The following NAV3 variants were observed in gnomAD, a reference collection of about 807,000 sequenced individuals.
The protein encoded by NAV3 is neuron navigator 3, also known as pore membrane and/or filament interacting like protein 1.
A neutral mutation model predicts 244.7 loss-of-function variants in NAV3; 87 were observed. The observed-to-expected ratio is 0.36, with a 90% CI of 0.30 to 0.42. The LOEUF is 0.42. NAV3 is among the 20% of genes least tolerant of loss of function. NAV3 has a pLI of 1.00. For missense variants in NAV3, 2,663 were observed against 2,893.3 expected (o/e 0.92, Z 1.83); for synonymous variants, 1,126 against 1,042.2 (o/e 1.08, Z -1.55).
chr12:77,602,436 T>C (rs1378174780), intron 2 of NAV3, among the ~76,000 whole-genome samples: 1 of 151,992 alleles, frequency 6.6e-6, no homozygotes, highest in Non-Finnish European at 1.5e-5. Context: ...TTGATAGCTA[T>C]GTCCAATAGG....
chr12:77,978,345 T>G (rs533337084), intron 5 of NAV3, among the ~76,000 whole-genome samples: 39 of 152,240 alleles, frequency 2.6e-4, no homozygotes, highest in African/African-American at 8.4e-4. Context: ...ATTTAAAATT[T>G]TATAACAGGA....
At chr12:77,646,366 G>C (rs1872604652) in intron 2 of NAV3, among the ~76,000 whole-genome samples, 1 of 152,156 alleles carries the variant, frequency 6.6e-6, no homozygotes, top group South Asian at 2.1e-4. Context: ...TTCCTGCTGT[G>C]AGACAGAGGC....
intron 2 of NAV3, among the ~76,000 whole-genome samples, chr12:77,810,049 A>G (rs1359700634): frequency 6.6e-6 from 1 of 152,230 alleles, no homozygotes; most frequent in East Asian, 1.9e-4. Context: ...TATTCAAACT[A>G]TTCTTTTGTT....
intron 20 of NAV3, among the ~76,000 whole-genome samples, chr12:78,141,328 A>G (rs1206266741): frequency 1.3e-5 from 2 of 152,206 alleles, no homozygotes; most frequent in Non-Finnish European, 2.9e-5. Context: ...AAAGTAGCCT[A>G]CAGGAAGTTA....
chr12:77,660,573 C>A (rs2137034955), intron 2 of NAV3, among the ~76,000 whole-genome samples: 2 of 152,028 alleles, frequency 1.3e-5, no homozygotes, highest in Middle Eastern at 6.8e-3. Flanking sequence ...TATTAGTTTA[C>A]AAGTTAATAA....
At chr12:77,924,136 A>T (rs1887968721) in intron 1 of NAV3, among the ~76,000 whole-genome samples, 1 of 152,126 alleles carries the variant, frequency 6.6e-6, no homozygotes, top group South Asian at 2.1e-4. Context: ...TTGGGTATGG[A>T]GTTGAGATGC....
At chr12:77,652,066 T>C (rs1217633164) in intron 2 of NAV3, among the ~76,000 whole-genome samples, 4 of 152,178 alleles carry the variant, frequency 2.6e-5, no homozygotes, top group Non-Finnish European at 5.9e-5. Flanking sequence ...CTTTTTGGGA[T>C]TTAACATCAC....
chr12:78,081,442 A>G (rs1351017013), intron 12 of NAV3, among the ~76,000 whole-genome samples: 1 of 152,156 alleles, frequency 6.6e-6, no homozygotes, highest in Non-Finnish European at 1.5e-5. Flanking sequence ...AACCCTTTAT[A>G]GCACGTGAAT....
intron 2 of NAV3, among the ~76,000 whole-genome samples, chr12:77,738,964 A>C (rs537117073): frequency 2.2e-5 from 3 of 133,388 alleles, no homozygotes; most frequent in African/African-American, 8.3e-5. Flanking sequence ...GTGAGCCGAG[A>C]TCGCGCTACT....
At chr12:77,807,119 G>A (rs1300767783) in intron 2 of NAV3, among the ~76,000 whole-genome samples, 1 of 152,094 alleles carries the variant, frequency 6.6e-6, no homozygotes, top group Non-Finnish European at 1.5e-5. Context: ...TATGGGTCTT[G>A]ACTCTATCCA....
chr12:78,109,759 A>T (rs2138374497), intron 12 of NAV3, among the ~76,000 whole-genome samples: 1 of 152,160 alleles, frequency 6.6e-6, no homozygotes, highest in South Asian at 2.1e-4. Flanking sequence ...TCTTCATGAA[A>T]AAAAACTCTA....
intron 2 of NAV3, among the ~76,000 whole-genome samples, chr12:77,653,674 A>G (rs1441278721): frequency 6.6e-6 from 1 of 152,142 alleles, no homozygotes; most frequent in African/African-American, 2.4e-5. Context: ...TGTTGCTGGG[A>G]GGAGTTTCCA....
intron 2 of NAV3, among the ~76,000 whole-genome samples, chr12:77,603,414 A>T (rs1870528922): frequency 6.6e-6 from 1 of 151,944 alleles, no homozygotes; most frequent in South Asian, 2.1e-4. Context: ...TGATCTATGG[A>T]TTAATAAAAA....
chr12:77,688,675 C>A (rs908229544), intron 2 of NAV3, among the ~76,000 whole-genome samples: 1 of 151,710 alleles, frequency 6.6e-6, no homozygotes, highest in Non-Finnish European at 1.5e-5. Flanking sequence ...GATGGGCAGG[C>A]TATTTATGAC....
At chr12:77,978,683 G>A (rs1190263648) in intron 5 of NAV3, among the ~76,000 whole-genome samples, 1 of 151,682 alleles carries the variant, frequency 6.6e-6, no homozygotes, top group African/African-American at 2.4e-5. Flanking sequence ...TTATAAAAAA[G>A]CAGATTAATA....
chr12:77,601,288 T>C (rs972257350), intron 2 of NAV3, among the ~76,000 whole-genome samples: 6 of 151,962 alleles, frequency 3.9e-5, no homozygotes, highest in African/African-American at 1.4e-4. Flanking sequence ...AGTACTGTGG[T>C]TTCAAAGCTC....
At chr12:77,649,783 G>C (rs994658511) in intron 2 of NAV3, among the ~76,000 whole-genome samples, 3 of 152,072 alleles carry the variant, frequency 2.0e-5, no homozygotes, top group African/African-American at 7.2e-5. Context: ...TTTGAAATAT[G>C]CCTTTGAAAG....
At chr12:77,716,425 T>C (rs181092224) in intron 2 of NAV3, among the ~76,000 whole-genome samples, 9 of 151,990 alleles carry the variant, frequency 5.9e-5, no homozygotes, top group Admixed American at 5.9e-4. Context: ...ATGGTACAAG[T>C]GGCATAATAT....
chr12:78,017,370 C>T (rs771539688), intron 8 of NAV3, among the ~76,000 whole-genome samples: 1 of 152,030 alleles, frequency 6.6e-6, no homozygotes, highest in Admixed American at 6.6e-5. Context: ...AAGGTCAAAG[C>T]GGAAGTGAGC....
Sources: allele counts gnomAD v4.1 joint callset (sites outside exome capture counted in the v4.1 genomes callset), GRCh38; gene constraint gnomAD v4.1.1; transcripts MANE v1.5; gene names NCBI Gene and HGNC (gene_info 2026-07-23, HGNC 2026-07-21).